Variants in PAM observed in about 807,000 individuals in gnomAD.
PAM encodes the protein peptidyl-glycine alpha-amidating monooxygenase.
In PAM, 72 loss-of-function variants were observed where a neutral mutation model predicts 122.1. The ratio of observed to expected loss-of-function variants is 0.59; its 90% confidence interval spans 0.49 to 0.72. The LOEUF is 0.72. PAM is among the 30% of genes least tolerant of loss of function. The probability of loss-of-function intolerance (pLI) is 0.00; values close to 1 mark genes in which losing one functional copy is unlikely to be tolerated. For missense variants in PAM, 1,106 were observed against 1,183.7 expected (o/e 0.93, Z 0.96); for synonymous variants, 389 against 404.4 (o/e 0.96, Z 0.46).
rs542506536 is a variant in PAM, at chr5:102,821,015, G to A, written c.-373-44808G>A. On this transcript the variant is annotated intron_variant, in intron 1 of 25. Transcript: ENST00000438793. ...CAGTTGGAGTGAGAAGATGAGTTTT[G>A]GAGGTGAACCAACAGAAAAGAAGGA... Among the ~76,000 whole-genome samples, 151 of 152,222 alleles carry A rather than the reference G, an allele frequency of 9.9e-4. 1 individual carries two copies. The highest frequency in any genetic ancestry group is 3.4e-3 in the African/African-American group (141 of 41,548).
At chr5:103,003,260 GA>G in intron 17 of PAM, 111 bp downstream of exon 17, 1 of 554,726 alleles carries the variant, frequency 1.8e-6, no homozygotes, top group Non-Finnish European at 3.3e-6. Flanking sequence ...TGAGAAAGCA[GA>G]AAACTAACTG....
At chr5:102,839,536 C>CA (rs34092506) in intron 1 of PAM, among the ~76,000 whole-genome samples, 13,692 of 80,714 alleles carry the variant, frequency 0.17, 925 homozygotes, top group Middle Eastern at 0.2. Flanking sequence ...GGCTCAGTCT[C>CA]AAAAAAAAAA....
intron 1 of PAM, among the ~76,000 whole-genome samples, chr5:102,767,210 C>T (rs1478416493): frequency 6.6e-6 from 1 of 151,632 alleles, no homozygotes; most frequent in Non-Finnish European, 1.5e-5. Flanking sequence ...TACATTTTTT[C>T]TCATCAGTTT....
At chr5:102,780,857 C>T (rs2112375) in intron 1 of PAM, among the ~76,000 whole-genome samples, 48,942 of 138,348 alleles carry the variant, frequency 0.35, 9,168 homozygotes, top group African/African-American at 0.44. Context: ...CTCTCTCTCT[C>T]TCTTTCTTTC....
chr5:102,959,932 G>A lies in PAM; in HGVS notation c.963G>A (p.Lys321=), dbSNP rs865820301. 6.2e-7 allele frequency: 1 copy of A among 1,612,372 alleles called. No individual in the cohort carries two copies. Among genetic ancestry groups the A allele is most frequent in the Non-Finnish European group, 8.5e-7 (1 of 1,178,646 alleles). ...NLYIMYYMEA[K]HAVSFMTCTQ... ...ACATTATGTATTACATGGAAGCCAA[G>A]CATGCAGTTTCTTTCATGACCTGTA... The change falls in exon 13 of 26, where the codon AAG becomes AAA. Residue 321 remains lysine (K), a synonymous_variant. Coordinates refer to ENST00000438793, the MANE Select transcript of PAM (RefSeq NM_001177306.2).
intron 16 of PAM, among the ~76,000 whole-genome samples, chr5:102,997,799 C>A (rs1288771294): frequency 3.3e-5 from 5 of 152,186 alleles, no homozygotes; most frequent in Non-Finnish European, 7.3e-5. Context: ...AATTACTTGA[C>A]ACATTTTTTT....
In PAM at chr5:103,029,073, G is replaced by T. The variant is rs781471907; in HGVS notation, c.*8G>T. ...GCACCTTCCTCCTCCTGAAAACCAA[G>T]CTTTGATTTAGATTGAGTAAGATTT... On this transcript the variant is annotated 3_prime_UTR_variant, in exon 26 of 26. Transcript: ENST00000438793. The T allele has an allele frequency of 1.6e-5, 26 of 1,599,028 alleles. No homozygotes were observed. The highest frequency in any genetic ancestry group is 2.2e-5 in the Non-Finnish European group (26 of 1,174,376).
At chr5:102,850,965 A>G (rs1189510442) in intron 1 of PAM, among the ~76,000 whole-genome samples, 4 of 152,198 alleles carry the variant, frequency 2.6e-5, no homozygotes, top group Non-Finnish European at 4.4e-5. Context: ...CAGGAAACTC[A>G]TATTGGTAGG....
At chr5:102,908,113 A>G (rs1234391920) in intron 4 of PAM, among the ~76,000 whole-genome samples, 4 of 152,020 alleles carry the variant, frequency 2.6e-5, no homozygotes, top group Non-Finnish European at 5.9e-5. Flanking sequence ...TAGGTCTAAC[A>G]TGTAAGTCTT....
intron 12 of PAM, among the ~76,000 whole-genome samples, chr5:102,952,092 C>T (rs1176337143): frequency 6.6e-6 from 1 of 152,014 alleles, no homozygotes; most frequent in Non-Finnish European, 1.5e-5. Context: ...ATGTTATTAA[C>T]CTTTGTAGTA....
chr5:103,006,721 T>A, intron 18 of PAM, 80 bp from the exon 19 acceptor site: 2 of 901,242 alleles, frequency 2.2e-6, no homozygotes, highest in Non-Finnish European at 3.5e-6. Flanking sequence ...CAATTGCTTG[T>A]GAAAGTGGTC....
rs1785881436 is a variant in PAM at position 103,029,293 on chromosome 5, A to G, written c.*228A>G. The G allele has an allele frequency of 5.4e-6, 2 of 372,974 alleles. No homozygotes were observed. The highest frequency in any genetic ancestry group is 2.7e-4 in the South Asian group (2 of 7,494). 23.1% of individuals were successfully genotyped at this position (372,974 alleles called of 1,614,324 possible). A position where few individuals can be genotyped will look rare whatever the true frequency, so the allele number is the denominator to read the frequency against. ...GTCTTTATATGAACATAGACTAGAGAAACCGTCCTCTTTTTCCATCATAAT... is the reference window on the plus strand; with the variant it reads ...GTCTTTATATGAACATAGACTAGAGGAACCGTCCTCTTTTTCCATCATAAT... On this transcript the variant is annotated 3_prime_UTR_variant, in exon 26 of 26. Transcript: ENST00000438793.
At chr5:102,763,798 C>T (rs934516477) in intron 1 of PAM, among the ~76,000 whole-genome samples, 2 of 152,144 alleles carry the variant, frequency 1.3e-5, no homozygotes, top group East Asian at 1.9e-4. Context: ...GGCTGGTGGC[C>T]GGCCAGTCCA....
intron 1 of PAM, among the ~76,000 whole-genome samples, chr5:102,860,363 T>G (rs1783839454): frequency 6.6e-6 from 1 of 152,152 alleles, no homozygotes. Flanking sequence ...TGCAGGGCTT[T>G]GAGCCCAGGT....
chr5:102,952,045 G>GCTAACCCCATACCCCGAACCAAC (rs1759088050), intron 12 of PAM, among the ~76,000 whole-genome samples: 1 of 152,056 alleles, frequency 6.6e-6, no homozygotes, highest in Non-Finnish European at 1.5e-5. Flanking sequence ...TTATGTCAGT[G>GCTAACCCCATACCCCGAACCAAC]CAGAGCCATA....
chr5:102,940,938 A>G (rs1431920044), intron 7 of PAM, among the ~76,000 whole-genome samples: 1 of 152,176 alleles, frequency 6.6e-6, no homozygotes, highest in Non-Finnish European at 1.5e-5. Flanking sequence ...CCAATCAATA[A>G]TTTTGAAATT....
chr5:102,832,428 T>C (rs1775740740), intron 1 of PAM, among the ~76,000 whole-genome samples: 1 of 152,082 alleles, frequency 6.6e-6, no homozygotes, highest in African/African-American at 2.4e-5. Context: ...CCCCACTAGA[T>C]TCCTGGAACC....
chr5:102,945,122 G>A, intron 7 of PAM, among the ~76,000 whole-genome samples: 1 of 152,040 alleles, frequency 6.6e-6, no homozygotes, highest in East Asian at 1.9e-4. Flanking sequence ...TAAATAGAGT[G>A]CTAAGTTCTT....
chr5:103,003,189 T>C (rs776313601), intron 17 of PAM, 40 bp downstream of exon 17: 8 of 879,134 alleles, frequency 9.1e-6, no homozygotes, highest in African/African-American at 1.6e-5. Flanking sequence ...TTGTACTACA[T>C]ATATTGAGTA....
Sources: allele counts gnomAD v4.1 joint callset (sites outside exome capture counted in the v4.1 genomes callset), GRCh38; gene constraint gnomAD v4.1.1; transcripts MANE v1.5; gene names NCBI Gene and HGNC (gene_info 2026-07-23, HGNC 2026-07-21).